HMGCLL1: variants seen among roughly 807,000 people sequenced by gnomAD.
The protein encoded by HMGCLL1 is 3-hydroxymethyl-3-methylglutaryl-CoA lyase, cytoplasmic.
HMGCLL1 carries 36 observed loss-of-function variants against 39.1 expected under a neutral mutation model. That is an observed-to-expected ratio of 0.92 (90% CI 0.71 to 1.22). The LOEUF is 1.22. Ranked by LOEUF, HMGCLL1 falls within the 50% of genes most tolerant of loss-of-function variation. The pLI, the probability that HMGCLL1 is intolerant of heterozygous loss-of-function variation, is 0.00. For missense variants in HMGCLL1, 451 were observed against 416.5 expected (o/e 1.08, Z -0.72); for synonymous variants, 149 against 144.0 (o/e 1.03, Z -0.25).
At chr6:55,611,705 C>A in the HMGCLL1 span, among the ~76,000 whole-genome samples, 1 of 152,078 alleles carries the variant, frequency 6.6e-6, no homozygotes, top group Non-Finnish European at 1.5e-5. Context: ...TGACAAAAAC[C>A]ACATGCTTAT....
At chr6:55,584,346 A>C in the HMGCLL1 span, among the ~76,000 whole-genome samples, 1 of 152,176 alleles carries the variant, frequency 6.6e-6, no homozygotes, top group African/African-American at 2.4e-5. Context: ...TTTAACTCAG[A>C]GCCTGAGGAT....
chr6:55,477,417 T>A (rs1432435089), intron 7 of HMGCLL1, among the ~76,000 whole-genome samples: 3 of 23,246 alleles, frequency 1.3e-4, no homozygotes, highest in East Asian at 1.5e-3. Flanking sequence ...AAATATATAT[T>A]ATCTTAATAT....
chr6:55,528,138 A>G (rs1208122036), intron 3 of HMGCLL1, among the ~76,000 whole-genome samples: 1 of 152,060 alleles, frequency 6.6e-6, no homozygotes, highest in Non-Finnish European at 1.5e-5. Flanking sequence ...GACAATATTC[A>G]TTATCTCTTC....
the HMGCLL1 span, among the ~76,000 whole-genome samples, chr6:55,633,403 G>A: frequency 9.2e-5 from 14 of 151,658 alleles, no homozygotes; most frequent in Non-Finnish European, 1.9e-4. Flanking sequence ...TAGGCAGAGA[G>A]AGAATTTCAT....
chr6:55,551,011 G>T lies in HMGCLL1; in HGVS notation c.109-8871C>A, dbSNP rs142095292. Among the ~76,000 whole-genome samples, 518 of 146,366 alleles carry T rather than the reference G, an allele frequency of 3.5e-3. 13 individuals carry two copies. The highest frequency in any genetic ancestry group is 0.012 in the African/African-American group (483 of 39,016). ...TTCAATGTAAAAGTCATGATCCCTT[G>T]CCTAGTCTATACATCTTAGCCAATT... On this transcript the variant is annotated intron_variant, in intron 1 of 8. Transcript: ENST00000274901.
At chr6:55,601,645 T>C in the HMGCLL1 span, among the ~76,000 whole-genome samples, 1 of 152,110 alleles carries the variant, frequency 6.6e-6, no homozygotes, top group Non-Finnish European at 1.5e-5. Flanking sequence ...ATTCAAGCTG[T>C]TTAGCCCTAA....
Position 55,534,095 on chromosome 6 carries a change from A to T in HMGCLL1, c.297+7634T>A, listed in dbSNP as rs577059856. On this transcript the variant is annotated intron_variant, in intron 3 of 8. Coordinates refer to ENST00000274901, the MANE Select transcript of HMGCLL1 (RefSeq NM_001042406.2). The stretch of plus-strand genomic sequence containing the variant: ...ATTTAAAGCAAAAGAAATTAATTTT[A>T]TAGAGGGAGTGGATAGGAGTGAGGT... Among the ~76,000 whole-genome samples, 12 of 152,194 alleles carry T rather than the reference A, an allele frequency of 7.9e-5. No individual in the cohort carries two copies. The South Asian group carries it at 2.1e-3, about 26-fold the overall frequency.
At chr6:55,496,322 A>T (rs985568316) in intron 6 of HMGCLL1, among the ~76,000 whole-genome samples, 3 of 107,516 alleles carry the variant, frequency 2.8e-5, no homozygotes, top group Non-Finnish European at 6.0e-5. Flanking sequence ...AAAGGTTAAA[A>T]TTTATCAAAA....
chr6:55,618,507 C>CA, the HMGCLL1 span, among the ~76,000 whole-genome samples: 3 of 151,666 alleles, frequency 2.0e-5, no homozygotes, highest in Admixed American at 1.3e-4. Flanking sequence ...AAGAAATTAT[C>CA]AAAAAAATAA....
chr6:55,494,399 A>G (rs1307755811), intron 7 of HMGCLL1, among the ~76,000 whole-genome samples: 1 of 152,174 alleles, frequency 6.6e-6, no homozygotes, highest in Admixed American at 6.5e-5. Context: ...CTAGTTTTCT[A>G]TTGTTTCAGA....
At chr6:55,490,320 A>C (rs1447469245) in intron 7 of HMGCLL1, among the ~76,000 whole-genome samples, 3 of 152,148 alleles carry the variant, frequency 2.0e-5, no homozygotes, top group Non-Finnish European at 4.4e-5. Flanking sequence ...GTGCTGATGT[A>C]AGCATGGAAA....
intron 7 of HMGCLL1, among the ~76,000 whole-genome samples, chr6:55,478,474 A>C (rs1765572947): frequency 6.6e-6 from 1 of 151,458 alleles, no homozygotes. Flanking sequence ...TTACACATTT[A>C]CTGAGCAGTG....
At chr6:55,595,822 C>G in the HMGCLL1 span, among the ~76,000 whole-genome samples, 2 of 152,130 alleles carry the variant, frequency 1.3e-5, no homozygotes, top group Non-Finnish European at 2.9e-5. Context: ...GGAAATATAT[C>G]ATTGACCCAC....
intron 7 of HMGCLL1, among the ~76,000 whole-genome samples, chr6:55,466,982 T>C (rs943406952): frequency 7.9e-5 from 12 of 152,242 alleles, no homozygotes; most frequent in Middle Eastern, 6.8e-3. Flanking sequence ...TCTTACATGA[T>C]ATAATTTTAG....
the HMGCLL1 span, among the ~76,000 whole-genome samples, chr6:55,660,545 T>C: frequency 3.9e-5 from 6 of 151,912 alleles, no homozygotes; most frequent in Non-Finnish European, 5.9e-5. Flanking sequence ...AAAGGCATGA[T>C]CTCATTATTT....
upstream of HMGCLL1, among the ~76,000 whole-genome samples, chr6:55,582,024 G>T (rs768992382): frequency 6.6e-6 from 1 of 151,966 alleles, no homozygotes; most frequent in African/African-American, 2.4e-5. Flanking sequence ...AAATATCTTG[G>T]ACTCATCCCT....
At chr6:55,600,866 T>A in the HMGCLL1 span, among the ~76,000 whole-genome samples, 4 of 152,222 alleles carry the variant, frequency 2.6e-5, no homozygotes, top group East Asian at 7.7e-4. Flanking sequence ...TATGTTACAA[T>A]GTAAATGGAA....
At chr6:55,520,499 T>A (rs1352899674) in intron 3 of HMGCLL1, among the ~76,000 whole-genome samples, 1 of 151,960 alleles carries the variant, frequency 6.6e-6, no homozygotes. Flanking sequence ...TAAAGGCAAG[T>A]AAGTAAAGAG....
rs1768196773 is a variant in HMGCLL1, at chr6:55,524,346, G to A, written c.298-7743C>T. ...CTAAAATTTTATTTTTCTGAATTTT[G>A]AGATATTTGTAATATGTGTTAACTT... On this transcript the variant is annotated intron_variant, in intron 3 of 8. Transcript: ENST00000274901. 2.0e-5 allele frequency among the ~76,000 whole-genome samples: 3 copies of A among 150,784 alleles called. No homozygotes were observed. The Admixed American group carries it at 2.0e-4, about 10-fold the overall frequency.
Sources: allele counts gnomAD v4.1 joint callset (sites outside exome capture counted in the v4.1 genomes callset), GRCh38; gene constraint gnomAD v4.1.1; transcripts MANE v1.5; gene names NCBI Gene and HGNC (gene_info 2026-07-23, HGNC 2026-07-21).